CROCC2: variants seen among roughly 807,000 people sequenced by gnomAD.
The protein encoded by CROCC2 is ciliary rootlet coiled-coil protein 2.
Under a neutral mutation model 177.6 loss-of-function variants are expected in CROCC2, and 163 were observed. The observed-to-expected ratio is 0.92, with a 90% CI of 0.81 to 1.05. CROCC2 has a LOEUF of 1.05. CROCC2 is among the 50% of genes least tolerant of loss of function. The probability of loss-of-function intolerance (pLI) is 0.00; values close to 1 mark genes in which losing one functional copy is unlikely to be tolerated. For missense variants in CROCC2, 1,929 were observed against 1,797.8 expected (o/e 1.07, Z -1.32); for synonymous variants, 904 against 787.3 (o/e 1.15, Z -2.48).
chr2:240,934,587 C>A, intron 12 of CROCC2, 112 bp downstream of exon 12: 2 of 1,158,322 alleles, frequency 1.7e-6, no homozygotes, highest in Non-Finnish European at 2.4e-6. Flanking sequence ...CCCCTCAGCC[C>A]ATCACCAGAG....
At chr2:240,940,497 C>T (rs1366828710) in intron 14 of CROCC2, among the ~76,000 whole-genome samples, 1 of 152,032 alleles carries the variant, frequency 6.6e-6, no homozygotes, top group East Asian at 1.9e-4. Flanking sequence ...TGTGTGCCAC[C>T]ATGATCAAGT....
In CROCC2 at chr2:240,993,265, TG is replaced by T. The variant is rs950917233; in HGVS notation, c.*189del. On this transcript the variant is annotated 3_prime_UTR_variant, in exon 32 of 32. Coordinates refer to ENST00000690015, the MANE Select transcript of CROCC2 (RefSeq NM_001351305.2). ...TCATGGGGAACATTTGAAATGCATG[TG>T]GGGGCCTCCGAATTTTGAATTTTAA... The T allele has an allele frequency of 1.8e-6, 1 of 543,352 alleles. No individual in the cohort carries two copies. Among genetic ancestry groups the T allele is most frequent in the Admixed American group, 3.4e-5 (1 of 29,772 alleles). The allele number at this position is 543,352 out of a possible 1,614,324, so 33.7% of individuals were successfully genotyped here.
intron 15 of CROCC2, among the ~76,000 whole-genome samples, chr2:240,947,840 G>T (rs917660770): frequency 1.3e-5 from 2 of 152,064 alleles, no homozygotes; most frequent in African/African-American, 4.8e-5. Flanking sequence ...CACACCCCAA[G>T]CAGCCCTGCC....
At chr2:240,957,155 G>A (rs1470090972) in intron 19 of CROCC2, among the ~76,000 whole-genome samples, 2 of 152,130 alleles carry the variant, frequency 1.3e-5, no homozygotes, top group Admixed American at 1.3e-4. Context: ...GATTGAGGGC[G>A]AGGCTGATCG....
intron 3 of CROCC2, among the ~76,000 whole-genome samples, chr2:240,922,190 A>G (rs1364605369): frequency 5.3e-5 from 8 of 152,180 alleles, no homozygotes; most frequent in Non-Finnish European, 1.2e-4. Flanking sequence ...CCATCTGTAA[A>G]TGAAATGTGG....
At chr2:240,906,709 T>C in intron 1 of CROCC2, 118 bp downstream of exon 1, 1 of 397,798 alleles carries the variant, frequency 2.5e-6, no homozygotes, top group Non-Finnish European at 4.4e-6. Flanking sequence ...CCCGGGGCAC[T>C]TTCCACTTGC....
At chr2:240,975,910 T>A (rs1161732007) in intron 27 of CROCC2, among the ~76,000 whole-genome samples, 1 of 151,852 alleles carries the variant, frequency 6.6e-6, no homozygotes, top group Non-Finnish European at 1.5e-5. Flanking sequence ...TTTGTATTTT[T>A]AGTAGGACTG....
At chr2:240,934,845 C>T (rs1404966643) in intron 12 of CROCC2, 71 bp from the exon 13 acceptor site, 6 of 1,417,476 alleles carry the variant, frequency 4.2e-6, no homozygotes, top group South Asian at 3.1e-5. Flanking sequence ...AGGGCTCACT[C>T]CTTTCCCAGC....
At chr2:240,906,972 GGA>G (rs959295586) in intron 1 of CROCC2, among the ~76,000 whole-genome samples, 6 of 79,690 alleles carry the variant, frequency 7.5e-5, no homozygotes, top group African/African-American at 2.2e-4. Flanking sequence ...TTTGCAGGGT[GGA>G]GAGAGAGCCC....
intron 27 of CROCC2, among the ~76,000 whole-genome samples, chr2:240,974,023 G>C (rs1322710561): frequency 6.6e-6 from 1 of 152,212 alleles, no homozygotes; most frequent in African/African-American, 2.4e-5. Context: ...GTTTTGCCCT[G>C]TGGGAGTGTA....
At position 240,922,655 on chromosome 2, in the gene CROCC2, G is replaced by C; in HGVS notation, c.488+10G>C. 1.6e-6 allele frequency: 1 copy of C among 607,606 alleles called. No homozygotes were observed. Among genetic ancestry groups the C allele is most frequent in the East Asian group, 3.1e-5 (1 of 32,102 alleles). 37.6% of individuals were successfully genotyped at this position (607,606 alleles called of 1,614,324 possible). ...AGGCTGCCGAGGAGAGGTGAGGCCA[G>C]GTGCGGGGCAGTCAGGGCTGCAGGA... On this transcript the variant is annotated intron_variant, in intron 4 of 31. Coordinates refer to ENST00000690015, the MANE Select transcript of CROCC2 (RefSeq NM_001351305.2).
chr2:240,936,686 A>G (rs1320744038), intron 14 of CROCC2, among the ~76,000 whole-genome samples: 1 of 152,082 alleles, frequency 6.6e-6, no homozygotes, highest in Non-Finnish European at 1.5e-5. Context: ...GCACTTTTAC[A>G]TATCACTGGG....
chr2:240,957,372 T>C (rs1411108121), intron 19 of CROCC2: 1 of 152,254 alleles, frequency 6.6e-6, no homozygotes, highest in Non-Finnish European at 1.5e-5. Flanking sequence ...CTGACTGGCG[T>C]TGAATGTATG....
intron 5 of CROCC2, among the ~76,000 whole-genome samples, chr2:240,928,183 G>C (rs1420587338): frequency 6.6e-6 from 1 of 152,172 alleles, no homozygotes; most frequent in Non-Finnish European, 1.5e-5. Context: ...TTTGAAACCT[G>C]AGGTGAATAC....
chr2:240,974,837 T>A (rs1157538142), intron 27 of CROCC2, among the ~76,000 whole-genome samples: 1 of 152,214 alleles, frequency 6.6e-6, no homozygotes, highest in Admixed American at 6.5e-5. Flanking sequence ...TTTTCCTTTT[T>A]ACCAGTTTTC....
intron 1 of CROCC2, among the ~76,000 whole-genome samples, chr2:240,909,422 G>C (rs2059273721): frequency 6.6e-6 from 1 of 152,248 alleles, no homozygotes; most frequent in South Asian, 2.1e-4. Flanking sequence ...CTGGGTGTTG[G>C]CTCCATGAGT....
chr2:240,919,492 T>C (rs2059344267), intron 2 of CROCC2, among the ~76,000 whole-genome samples: 1 of 152,120 alleles, frequency 6.6e-6, no homozygotes, highest in African/African-American at 2.4e-5. Flanking sequence ...GCCTGTCCTG[T>C]GTGTGCCCAG....
In CROCC2 at chr2:240,965,861, G is replaced by T. The variant is rs941827312; in HGVS notation, c.3829G>T (p.Ala1277Ser). 6.9e-6 allele frequency: 10 copies of T among 1,447,934 alleles called. No homozygotes were observed. Among genetic ancestry groups the T allele is most frequent in the Non-Finnish European group, 9.1e-6 (10 of 1,097,892 alleles). The allele number at this position is 1,447,934 out of a possible 1,614,324, so 89.7% of individuals were successfully genotyped here. The change falls in exon 24 of 32, where the codon GCC (alanine) becomes TCC (serine). Residue 1277 changes from alanine (A) to serine (S), a missense_variant. By Grantham distance (99) the Ala-to-Ser change is moderately conservative. Transcript: ENST00000690015. ...HRIHSLEQELAQAEGARQDAE... is the reference protein window; with the variant it reads ...HRIHSLEQELSQAEGARQDAE... ...AATCCACAGCCTGGAGCAGGAGCTGGCCCAGGCTGAGGGTGCAAGGCAGGA... is the reference window on the plus strand; with the variant it reads ...AATCCACAGCCTGGAGCAGGAGCTGTCCCAGGCTGAGGGTGCAAGGCAGGA...
intron 1 of CROCC2, among the ~76,000 whole-genome samples, chr2:240,913,321 G>A (rs62186582): frequency 0.21 from 31,390 of 151,956 alleles, 3,765 homozygotes; most frequent in Middle Eastern, 0.35. Flanking sequence ...TCTAGCTGGT[G>A]GGCTCTTTCT....
Sources: allele counts gnomAD v4.1 joint callset (sites outside exome capture counted in the v4.1 genomes callset), GRCh38; gene constraint gnomAD v4.1.1; transcripts MANE v1.5; gene names NCBI Gene and HGNC (gene_info 2026-07-23, HGNC 2026-07-21).